Variants in PPEF1 observed in about 807,000 individuals in gnomAD.
The protein encoded by PPEF1 is protein phosphatase with EF-hand domain 1.
Under a neutral mutation model 53.3 loss-of-function variants are expected in PPEF1, and 12 were observed. The observed-to-expected ratio is 0.23, with a 90% CI of 0.14 to 0.36. The LOEUF (loss-of-function observed/expected upper bound fraction) is 0.36, where lower values mean the gene tolerates loss of function less well. Among genes scored for constraint, PPEF1 ranks in the 10% least tolerant of loss-of-function variants. PPEF1 has a pLI of 1.00. For synonymous variants in PPEF1, 165 were observed against 176.7 expected (o/e 0.93, Z 0.52); for missense variants, 334 against 490.4 (o/e 0.68, Z 3.01).
At chrX:18,770,015 T>G (rs1391805405) in intron 6 of PPEF1, among the ~76,000 whole-genome samples, 2 of 111,798 alleles carry the variant, frequency 1.8e-5, no homozygotes, top group African/African-American at 3.3e-5. Flanking sequence ...GTCATCTGAG[T>G]GCAGTTCAGA....
At chrX:18,687,163 T>G (rs1929118836) in intron 3 of PPEF1, among the ~76,000 whole-genome samples, 1 of 111,212 alleles carries the variant, frequency 9.0e-6, no homozygotes, top group Non-Finnish European at 1.9e-5. Flanking sequence ...AGCCCATAGA[T>G]TTCTGCTTGT....
At chrX:18,803,690 C>G (rs769232128) in intron 10 of PPEF1, among the ~76,000 whole-genome samples, 1 of 111,997 alleles carries the variant, frequency 8.9e-6, no homozygotes, top group Non-Finnish European at 1.9e-5. Context: ...CTCCTGGCCT[C>G]AAGCACTCCT....
chrX:18,807,951 C>G (rs771375322), intron 12 of PPEF1, among the ~76,000 whole-genome samples: 1 of 101,407 alleles, frequency 9.9e-6, no homozygotes. Context: ...TGAGCTACCA[C>G]GCCCAGCCTG....
chrX:18,679,031 G>C (rs1172151200), upstream of PPEF1, among the ~76,000 whole-genome samples: 1 of 111,758 alleles, frequency 8.9e-6, no homozygotes, highest in Non-Finnish European at 1.9e-5. Flanking sequence ...TCACATGTCT[G>C]TGTCCACGCT....
At chrX:18,708,254 G>A (rs1205420822) in intron 1 of PPEF1, among the ~76,000 whole-genome samples, 2 of 111,874 alleles carry the variant, frequency 1.8e-5, no homozygotes, top group Non-Finnish European at 1.9e-5. Context: ...ATTCAACACA[G>A]AACTTCATGA....
chrX:18,768,709 A>C (rs1349933343), intron 6 of PPEF1, among the ~76,000 whole-genome samples: 6 of 112,549 alleles, frequency 5.3e-5, no homozygotes, highest in Non-Finnish European at 1.1e-4. Context: ...GAGGCACTCT[A>C]CTAAGGGTTG....
chrX:18,730,089 G>A (rs188441596), intron 1 of PPEF1, 92 bp from the exon 2 acceptor site: 361 of 930,210 alleles, frequency 3.9e-4, no homozygotes, highest in Middle Eastern at 1.1e-3. Context: ...AATCCAGGTG[G>A]ACTGCTTTTT....
At chrX:18,757,969 G>A (rs1047095063) in intron 5 of PPEF1, among the ~76,000 whole-genome samples, 4 of 111,795 alleles carry the variant, frequency 3.6e-5, no homozygotes, top group Non-Finnish European at 7.5e-5. Context: ...TATAAAGGCA[G>A]ACAGCATTTT....
At chrX:18,789,944 T>G (rs1444639333) in intron 10 of PPEF1, among the ~76,000 whole-genome samples, 3 of 112,422 alleles carry the variant, frequency 2.7e-5, no homozygotes, top group Non-Finnish European at 5.6e-5. Flanking sequence ...TTATTTCTCT[T>G]AAGTGTGTAC....
At chrX:18,707,519 A>T (rs1317746355), upstream of PPEF1, 2 of 352,044 alleles carry the variant, frequency 5.7e-6, no homozygotes, top group Non-Finnish European at 9.9e-6. Flanking sequence ...CCAGGATTAG[A>T]TTATGTCTGA....
rs185825456 is a variant in PPEF1, at chrX:18,789,047, C to G, written c.913-74C>G. 188 of 1,116,239 alleles carry G rather than the reference C, an allele frequency of 1.7e-4. 1 individual carries two copies. In the East Asian group the frequency reaches 4.9e-3, roughly 29 times the overall value. 92.0% of individuals were successfully genotyped at this position (1,116,239 alleles called of 1,213,427 possible). A position where few individuals can be genotyped will look rare whatever the true frequency, so the allele number is the denominator to read the frequency against. ...GTGGCACCACAACATAGAAAGAATC[C>G]CACCTGGGACTGAAGTCTCTGTATG... On this transcript the variant is annotated intron_variant, in intron 9 of 15. Transcript: ENST00000470157.
At chrX:18,696,913 C>T (rs1400293675) in intron 4 of PPEF1, among the ~76,000 whole-genome samples, 2 of 112,256 alleles carry the variant, frequency 1.8e-5, no homozygotes, top group East Asian at 5.6e-4. Flanking sequence ...TCTTAGTCTC[C>T]TCTCCAGTCC....
At chrX:18,751,491 T>C (rs1217257019) in intron 4 of PPEF1, among the ~76,000 whole-genome samples, 1 of 112,175 alleles carries the variant, frequency 8.9e-6, no homozygotes, top group Non-Finnish European at 1.9e-5. Flanking sequence ...CAAAAATCAA[T>C]AGGCCAGGCC....
chrX:18,717,506 G>T (rs747738317), intron 1 of PPEF1, among the ~76,000 whole-genome samples: 145 of 109,994 alleles, frequency 1.3e-3, no homozygotes, highest in African/African-American at 4.7e-3. Flanking sequence ...CTCCTTAGGG[G>T]TGCATTTGTA....
upstream of PPEF1, among the ~76,000 whole-genome samples, chrX:18,680,664 C>T (rs1157005037): frequency 1.8e-5 from 2 of 109,760 alleles, no homozygotes; most frequent in Non-Finnish European, 3.8e-5. Flanking sequence ...ATGTGCACAA[C>T]GTGCAGGTTT....
In PPEF1 at chrX:18,757,672, A is replaced by G. The variant is rs1293344040; in HGVS notation, c.442A>G (p.Lys148Glu). Residue 148 changes from lysine (K) to glutamate (E), a missense_variant, in exon 5 of 16, where the codon AAA (lysine) becomes GAA (glutamate). Transcript: ENST00000470157. ...YVLEVLFETK[K>E]VLKQMPNFTH... The stretch of plus-strand genomic sequence containing the variant: ...CTTAGAGGTGCTATTTGAAACCAAG[A>G]AAGTCCTGAAGCAAATGCCGAATTT... The G allele has an allele frequency of 1.7e-6, 2 of 1,211,226 alleles. No individual in the cohort carries two copies. Among genetic ancestry groups the G allele is most frequent in the Non-Finnish European group, 2.2e-6 (2 of 895,182 alleles).
chrX:18,824,317 G>A (rs2047122349), intron 14 of PPEF1, among the ~76,000 whole-genome samples: 1 of 111,003 alleles, frequency 9.0e-6, no homozygotes, highest in African/African-American at 3.3e-5. Context: ...GTGCCCACCT[G>A]TAATCCCAGC....
chrX:18,707,825 A>T lies in PPEF1; in HGVS notation c.45A>T (p.Thr15=), dbSNP rs753723449. Residue 15 remains threonine (T), a splice_region_variant and synonymous_variant, in exon 1 of 16, where the codon ACA becomes ACT. Coordinates refer to ENST00000470157, the MANE Select transcript of PPEF1 (RefSeq NM_001377996.1). The stretch of plus-strand genomic sequence containing the variant: ...CAACGAAAACCAGGAGATCTGACAC[A>T]TGTGAGTACTGGGAATGTGCCTGTG... ...SSSTKTRRSD[T]SLRAALIIQN... 8.3e-7 allele frequency: 1 copy of T among 1,205,798 alleles called. No individual in the cohort carries two copies. The highest frequency in any genetic ancestry group is 2.2e-5 in the Admixed American group (1 of 45,980).
intron 1 of PPEF1, among the ~76,000 whole-genome samples, chrX:18,715,750 G>A (rs113086772): frequency 2.1e-4 from 23 of 111,560 alleles, no homozygotes; most frequent in African/African-American, 7.5e-4. Flanking sequence ...CTCATGGGTG[G>A]CAGAGCCTGA....
Sources: allele counts gnomAD v4.1 joint callset (sites outside exome capture counted in the v4.1 genomes callset), GRCh38; gene constraint gnomAD v4.1.1; transcripts MANE v1.5; gene names NCBI Gene and HGNC (gene_info 2026-07-23, HGNC 2026-07-21).